CSMD1: variants seen among roughly 807,000 people sequenced by gnomAD.
CSMD1 encodes the protein CUB and sushi domain-containing protein 1.
A neutral mutation model predicts 417.5 loss-of-function variants in CSMD1; 213 were observed. That is an observed-to-expected ratio of 0.51 (90% CI 0.46 to 0.57). The LOEUF (loss-of-function observed/expected upper bound fraction) is 0.57. Ranked by LOEUF, CSMD1 falls within the 20% of genes least tolerant of loss-of-function variation. The pLI is 0.00. For missense variants in CSMD1, 6,923 were observed against 4,529.7 expected (o/e 1.53, Z -15.17); for synonymous variants, 2,862 against 1,736.8 (o/e 1.65, Z -16.11).
chr8:4,067,993 C>A (rs1467083975), intron 3 of CSMD1, among the ~76,000 whole-genome samples: 1 of 152,072 alleles, frequency 6.6e-6, no homozygotes, highest in African/African-American at 2.4e-5. Flanking sequence ...AGGAGAATCA[C>A]CTGAACCCTG....
chr8:4,159,260 G>C (rs1797010674), intron 3 of CSMD1, among the ~76,000 whole-genome samples: 1 of 152,092 alleles, frequency 6.6e-6, no homozygotes, highest in South Asian at 2.1e-4. Context: ...TTTACTCATT[G>C]GGGTAGCATT....
chr8:4,235,807 T>G (rs1321363048), intron 3 of CSMD1, among the ~76,000 whole-genome samples: 3 of 152,196 alleles, frequency 2.0e-5, no homozygotes, highest in African/African-American at 4.8e-5. Flanking sequence ...AACATTTGTT[T>G]TTGTAACTTG....
At chr8:3,457,727 A>G (rs1816246919) in intron 12 of CSMD1, among the ~76,000 whole-genome samples, 2 of 152,234 alleles carry the variant, frequency 1.3e-5, no homozygotes, top group Admixed American at 6.5e-5. Context: ...AAACAGAAAT[A>G]CCAAAGAAAA....
chr8:3,521,212 A>G (rs1166918640), intron 10 of CSMD1, among the ~76,000 whole-genome samples: 2 of 152,104 alleles, frequency 1.3e-5, no homozygotes, highest in African/African-American at 4.8e-5. Context: ...CCTTGCTTAA[A>G]CACCTTCCCT....
intron 26 of CSMD1, among the ~76,000 whole-genome samples, chr8:3,255,552 C>G (rs1275899221): frequency 2.0e-5 from 3 of 152,216 alleles, no homozygotes; most frequent in South Asian, 2.1e-4. Flanking sequence ...TTTACCTACT[C>G]AAGCCTGTGC....
intron 41 of CSMD1, among the ~76,000 whole-genome samples, chr8:3,141,861 G>A (rs147153940): frequency 0.027 from 3,982 of 149,856 alleles, 176 homozygotes; most frequent in African/African-American, 0.093. Context: ...GCAGTGGCGC[G>A]ATCTCTCCTC....
At chr8:3,406,615 C>A (rs1190533271) in intron 14 of CSMD1, among the ~76,000 whole-genome samples, 1 of 152,122 alleles carries the variant, frequency 6.6e-6, no homozygotes, top group Non-Finnish European at 1.5e-5. Flanking sequence ...GACTCTGACG[C>A]TCTAAGCCTA....
chr8:4,805,105 G>A (rs1191426088), intron 1 of CSMD1, among the ~76,000 whole-genome samples: 1 of 152,062 alleles, frequency 6.6e-6, no homozygotes, highest in African/African-American at 2.4e-5. Flanking sequence ...ATATAATACT[G>A]GCATATAAAA....
rs959553286 is a variant in CSMD1, at chr8:3,216,638, G to A, written c.4673-1947C>T. ...CATTACTGACTTGTCACTTCAGGAT[G>A]TTCCGTGATAAATCACTGGCACATT... is the stretch of plus-strand genomic sequence containing the variant. On this transcript the variant is annotated intron_variant, in intron 29 of 69. Coordinates refer to ENST00000635120, the MANE Select transcript of CSMD1 (RefSeq NM_033225.6). Among the ~76,000 whole-genome samples, 6 of 152,278 alleles carry A rather than the reference G, an allele frequency of 3.9e-5. No homozygotes were observed. In the South Asian group the frequency reaches 1.2e-3, roughly 32 times the overall value.
intron 7 of CSMD1, among the ~76,000 whole-genome samples, chr8:3,642,261 G>A (rs186281274): frequency 5.1e-4 from 77 of 151,972 alleles, no homozygotes; most frequent in Admixed American, 3.1e-3. Flanking sequence ...ACACTCTTAA[G>A]GACTTGACTA....
chr8:4,292,729 G>T (rs913146404), intron 3 of CSMD1, among the ~76,000 whole-genome samples: 1 of 151,784 alleles, frequency 6.6e-6, no homozygotes, highest in East Asian at 1.9e-4. Context: ...CTTAATATTA[G>T]GCCTCTAGTA....
intron 3 of CSMD1, among the ~76,000 whole-genome samples, chr8:4,229,729 C>A (rs990381435): frequency 6.6e-6 from 1 of 152,146 alleles, no homozygotes; most frequent in Non-Finnish European, 1.5e-5. Context: ...CCCACCCCAT[C>A]CTCTGCCGTC....
At chr8:4,811,618 C>A (rs892137395) in intron 1 of CSMD1, among the ~76,000 whole-genome samples, 2 of 152,058 alleles carry the variant, frequency 1.3e-5, no homozygotes, top group African/African-American at 4.8e-5. Flanking sequence ...AACACATTCA[C>A]TTCAAAATTT....
At chr8:4,435,257 A>C (rs1186098315) in intron 2 of CSMD1, among the ~76,000 whole-genome samples, 2 of 152,204 alleles carry the variant, frequency 1.3e-5, no homozygotes, top group Non-Finnish European at 2.9e-5. Context: ...TATGTTTTAT[A>C]AGTACTTTGT....
At chr8:4,228,488 C>G (rs1048082293) in intron 3 of CSMD1, among the ~76,000 whole-genome samples, 1 of 152,014 alleles carries the variant, frequency 6.6e-6, no homozygotes, top group Non-Finnish European at 1.5e-5. Flanking sequence ...TGTATCCTCC[C>G]CCAACTGTCT....
intron 1 of CSMD1, among the ~76,000 whole-genome samples, chr8:4,706,079 A>T (rs952963907): frequency 6.6e-5 from 10 of 150,576 alleles, no homozygotes; most frequent in Non-Finnish European, 1.5e-5. Context: ...GATACATAAA[A>T]TTTTAACATA....
rs150357813 is a variant in CSMD1 at position 4,478,172 on chromosome 8, T to G, written c.303-58107A>C. On this transcript the variant is annotated intron_variant, in intron 2 of 69. Transcript: ENST00000635120. ...AAGATGGGCAATTTTCTTACTTTCCTTCTTCCCCTCTTTTTATATTCTTTC... is the reference window on the plus strand; with the variant it reads ...AAGATGGGCAATTTTCTTACTTTCCGTCTTCCCCTCTTTTTATATTCTTTC... Among the ~76,000 whole-genome samples the G allele has an allele frequency of 2.0e-3, 307 of 152,316 alleles. 2 individuals are homozygous for G. Among genetic ancestry groups the G allele is most frequent in the Non-Finnish European group, 2.5e-3 (171 of 68,020 alleles).
At chr8:3,823,504 G>A (rs543519907) in intron 5 of CSMD1, among the ~76,000 whole-genome samples, 1 of 152,142 alleles carries the variant, frequency 6.6e-6, no homozygotes, top group East Asian at 1.9e-4. Context: ...GCTTATGCTT[G>A]AATCAAATAA....
Position 3,399,382 on chromosome 8 carries a change from T to G in CSMD1, c.2405+9A>C, listed in dbSNP as rs1811900397. Reference sequence around the variant, plus strand: ...ATTGGGTCCAAATGAAGACTAATTTTTTTCTTACCTGTCAAAAGTTATTTT... The same window carrying G: ...ATTGGGTCCAAATGAAGACTAATTTGTTTCTTACCTGTCAAAAGTTATTTT... On this transcript the variant is annotated intron_variant, in intron 16 of 69. Transcript: ENST00000635120. The G allele has an allele frequency of 6.3e-7, 1 of 1,593,238 alleles. No individual in the cohort carries two copies. The highest frequency in any genetic ancestry group is 2.3e-5 in the East Asian group (1 of 44,410).
Sources: allele counts gnomAD v4.1 joint callset (sites outside exome capture counted in the v4.1 genomes callset), GRCh38; gene constraint gnomAD v4.1.1; transcripts MANE v1.5; gene names NCBI Gene and HGNC (gene_info 2026-07-23, HGNC 2026-07-21).